Variants in MALRD1 observed in about 807,000 individuals in gnomAD.
MALRD1 encodes the protein MAM and LDL-receptor class A domain-containing protein 1.
MALRD1 carries 247 observed loss-of-function variants against 242.1 expected under a neutral mutation model. The observed-to-expected ratio is 1.02, with a 90% confidence interval of 0.92 to 1.13. MALRD1 has a LOEUF of 1.13. Ranked by LOEUF, MALRD1 falls within the 50% of genes most tolerant of loss-of-function variation. MALRD1 has a pLI of 0.00. For missense variants in MALRD1, 2,989 were observed against 2,533.1 expected, an observed-to-expected ratio of 1.18 and a Z score of -3.86; for synonymous variants, 995 against 866.6, an observed-to-expected ratio of 1.15 and a Z score of -2.60.
intron 22 of MALRD1, among the ~76,000 whole-genome samples, chr10:19,326,262 G>A (rs1051999785): frequency 6.6e-6 from 1 of 152,000 alleles, no homozygotes; most frequent in Non-Finnish European, 1.5e-5. Flanking sequence ...TATTTGCCTG[G>A]AATATTGTGG....
At chr10:19,268,060 T>C (rs1013473629) in intron 19 of MALRD1, among the ~76,000 whole-genome samples, 1 of 152,164 alleles carries the variant, frequency 6.6e-6, no homozygotes, top group Non-Finnish European at 1.5e-5. Flanking sequence ...AGAGAAATGC[T>C]AAATGTTAAA....
Position 19,389,524 on chromosome 10 carries a change from G to C in MALRD1, c.4760G>C (p.Trp1587Ser). The change falls in exon 28 of 40, where the codon TGG becomes TCG. Residue 1587 changes from tryptophan (W) to serine (S), a missense_variant. Trp to Ser is a radical substitution (Grantham distance 177). Coordinates refer to ENST00000454679, the MANE Select transcript of MALRD1 (RefSeq NM_001142308.3). The stretch of plus-strand genomic sequence containing the variant: ...AAAGCACACTTCAGGAGTACCATGT[G>C]GCGAGAATCCAGTGCAGCCTGCACC... ...GDKAHFRSTM[W>S]RESSAACTMS... 1 of 1,550,658 alleles carries C rather than the reference G, an allele frequency of 6.4e-7. No individual in the cohort carries two copies. The highest frequency in any genetic ancestry group is 8.7e-7 in the Non-Finnish European group (1 of 1,146,972).
intron 28 of MALRD1, among the ~76,000 whole-genome samples, chr10:19,421,269 A>G (rs1833710313): frequency 6.6e-6 from 1 of 152,178 alleles, no homozygotes; most frequent in Non-Finnish European, 1.5e-5. Context: ...GTTAAATGCT[A>G]TGTTTTAGAA....
chr10:19,248,433 A>G (rs1215334883), intron 18 of MALRD1, among the ~76,000 whole-genome samples: 1 of 151,780 alleles, frequency 6.6e-6, no homozygotes, highest in Non-Finnish European at 1.5e-5. Flanking sequence ...AAAATGTTAT[A>G]TTATTAGTAT....
At chr10:19,107,579 T>TA (rs1836513087) in intron 5 of MALRD1, among the ~76,000 whole-genome samples, 1 of 151,266 alleles carries the variant, frequency 6.6e-6, no homozygotes, top group Admixed American at 6.6e-5. Flanking sequence ...TTTTTTTTTT[T>TA]AATCTACTCA....
At chr10:19,305,999 A>G (rs1588884368) in intron 21 of MALRD1, among the ~76,000 whole-genome samples, 1 of 121,916 alleles carries the variant, frequency 8.2e-6, no homozygotes, top group African/African-American at 3.2e-5. Flanking sequence ...ACTATATATT[A>G]TATATTATAC....
intron 39 of MALRD1, among the ~76,000 whole-genome samples, chr10:19,731,620 A>C (rs976539152): frequency 2.6e-5 from 4 of 152,166 alleles, no homozygotes; most frequent in Admixed American, 6.5e-5. Context: ...TACATCCTGC[A>C]CAAAAACTTT....
At chr10:19,382,055 C>G (rs1331638703) in intron 26 of MALRD1, among the ~76,000 whole-genome samples, 1 of 152,006 alleles carries the variant, frequency 6.6e-6, no homozygotes, top group East Asian at 1.9e-4. Context: ...AATTGAACTT[C>G]AAAACGTTAC....
rs557518878 is a variant in MALRD1, at chr10:19,155,109, C to T, written c.1593C>T (p.Pro531=). The change falls in exon 12 of 40, where the codon CCC becomes CCT. Residue 531 remains proline (P), a synonymous_variant. Transcript: ENST00000454679. Reference sequence around the variant, plus strand: ...TTTATTTGGAGGCACAGCGCTCCCCCGGGGTGGCCAAGCTTGGAAGTCCTG... The same window carrying T: ...TTTATTTGGAGGCACAGCGCTCCCCTGGGGTGGCCAAGCTTGGAAGTCCTG... ...SFIYLEAQRS[P]GVAKLGSPVL... is the part of the protein sequence containing the mutation. 4.1e-5 allele frequency: 51 copies of T among 1,231,576 alleles called. No homozygotes were observed. The South Asian group carries it at 5.3e-4, about 13-fold the overall frequency. The allele number at this position is 1,231,576 out of a possible 1,614,324, so 76.3% of individuals were successfully genotyped here.
intron 11 of MALRD1, among the ~76,000 whole-genome samples, chr10:19,153,223 C>T (rs772379196): frequency 9.2e-5 from 14 of 152,216 alleles, no homozygotes; most frequent in South Asian, 6.2e-4. Flanking sequence ...CAAATTTATT[C>T]GACATCATTT....
intron 18 of MALRD1, among the ~76,000 whole-genome samples, chr10:19,237,736 A>T (rs1259686240): frequency 1.8e-5 from 2 of 109,834 alleles, no homozygotes; most frequent in South Asian, 5.3e-4. Flanking sequence ...ATATAATTAT[A>T]TATAATTTAT....
intron 21 of MALRD1, among the ~76,000 whole-genome samples, chr10:19,301,456 A>G (rs1213707728): frequency 2.6e-5 from 4 of 151,940 alleles, no homozygotes; most frequent in African/African-American, 9.7e-5. Context: ...AAGACATGGA[A>G]TCAACCTAAA....
chr10:19,477,896 A>G (rs1836813339), intron 29 of MALRD1, among the ~76,000 whole-genome samples: 1 of 152,126 alleles, frequency 6.6e-6, no homozygotes, highest in Non-Finnish European at 1.5e-5. Flanking sequence ...TATTGTACAC[A>G]TGGTTGACAA....
At chr10:19,318,741 C>G (rs1842804431) in intron 21 of MALRD1, among the ~76,000 whole-genome samples, 1 of 151,888 alleles carries the variant, frequency 6.6e-6, no homozygotes, top group Non-Finnish European at 1.5e-5. Context: ...TCATCTGAGT[C>G]TACAATTTCT....
Position 19,539,879 on chromosome 10 carries a change from T to C in MALRD1, c.5478+8528T>C, listed in dbSNP as rs916749881. ...GTGCGTGTGTGTGTGTGTGTGTGTGTGTGTGTGTGTGTGTGTGTGCGCGCG... is the reference window on the plus strand; with the variant it reads ...GTGCGTGTGTGTGTGTGTGTGTGTGCGTGTGTGTGTGTGTGTGTGCGCGCG... On this transcript the variant is annotated intron_variant, in intron 32 of 39. Coordinates refer to ENST00000454679, the MANE Select transcript of MALRD1 (RefSeq NM_001142308.3). 4.5e-3 allele frequency among the ~76,000 whole-genome samples: 379 copies of C among 83,994 alleles called. 9 individuals carry two copies. The East Asian group carries it at 0.086, about 19-fold the overall frequency. The allele number at this position is 83,994 out of a possible 152,430, so 55.1% of individuals were successfully genotyped here.
intron 36 of MALRD1, among the ~76,000 whole-genome samples, chr10:19,691,559 T>C (rs1381980210): frequency 6.6e-6 from 1 of 152,098 alleles, no homozygotes; most frequent in Admixed American, 6.5e-5. Context: ...TAAACAAGTG[T>C]GTATACATGA....
At chr10:19,537,174 A>G (rs1387086852) in intron 32 of MALRD1, among the ~76,000 whole-genome samples, 5 of 152,176 alleles carry the variant, frequency 3.3e-5, no homozygotes, top group African/African-American at 7.2e-5. Context: ...GTTTTATTCT[A>G]AAAACCATGG....
intron 5 of MALRD1, among the ~76,000 whole-genome samples, chr10:19,121,206 A>G (rs903704451): frequency 1.3e-5 from 2 of 151,270 alleles, no homozygotes; most frequent in Non-Finnish European, 2.9e-5. Context: ...ATGCCTTGCT[A>G]ATTTTTGTAT....
At chr10:19,588,850 C>T (rs1388477502) in intron 33 of MALRD1, among the ~76,000 whole-genome samples, 1 of 152,110 alleles carries the variant, frequency 6.6e-6, no homozygotes, top group Non-Finnish European at 1.5e-5. Flanking sequence ...ACCACGCTGG[C>T]CAGGCTGATC....
Sources: gnomAD v4.1 joint callset for allele counts (sites outside exome capture counted in the v4.1 genomes callset) on GRCh38, gnomAD v4.1.1 for gene constraint, MANE v1.5 for transcripts, NCBI Gene and HGNC (gene_info 2026-07-23, HGNC 2026-07-21) for gene names.